SNTG2: variants seen among roughly 807,000 people sequenced by gnomAD.
SNTG2 encodes syntrophin gamma 2.
A neutral mutation model predicts 70.9 loss-of-function variants in SNTG2; 74 were observed. That is an observed-to-expected ratio of 1.04 (90% confidence interval 0.86 to 1.27). The LOEUF (loss-of-function observed/expected upper bound fraction) is 1.27. Among genes scored for constraint, SNTG2 ranks in the 50% most tolerant of loss-of-function variants. The probability of loss-of-function intolerance (pLI) is 0.00; values close to 1 mark genes in which losing one functional copy is unlikely to be tolerated. For synonymous variants in SNTG2, 278 were observed against 273.8 expected (o/e 1.02, Z -0.15); for missense variants, 717 against 690.7 (o/e 1.04, Z -0.43).
At chr2:1,149,927 A>T (rs529965860) in intron 6 of SNTG2, among the ~76,000 whole-genome samples, 1 of 152,032 alleles carries the variant, frequency 6.6e-6, no homozygotes, top group South Asian at 2.1e-4. Context: ...TGACCTTGTG[A>T]TCCACCCGCC....
intron 14 of SNTG2, among the ~76,000 whole-genome samples, chr2:1,295,795 G>T (rs1216149490): frequency 6.6e-6 from 1 of 151,892 alleles, no homozygotes; most frequent in Non-Finnish European, 1.5e-5. Context: ...GGAGGGTCAG[G>T]CAGATGTCAC....
intron 6 of SNTG2, among the ~76,000 whole-genome samples, chr2:1,161,828 A>G (rs1485054250): frequency 6.6e-6 from 1 of 152,120 alleles, no homozygotes; most frequent in Non-Finnish European, 1.5e-5. Context: ...TAATCCCAGC[A>G]GTTTGGGAGG....
At chr2:1,060,832 C>T (rs1232537392) in intron 1 of SNTG2, among the ~76,000 whole-genome samples, 3 of 152,186 alleles carry the variant, frequency 2.0e-5, no homozygotes, top group African/African-American at 7.2e-5. Flanking sequence ...GGATTTAAAA[C>T]CAGTGGGTGA....
rs190697174 is a variant in SNTG2 at position 1,289,569 on chromosome 2, C to T, written c.1285-18925C>T. Among the ~76,000 whole-genome samples the T allele has an allele frequency of 3.7e-3, 566 of 152,318 alleles. 1 individual carries two copies. The highest frequency in any genetic ancestry group is 0.012 in the Admixed American group (189 of 15,300). ...TTGCGTGAACTCGTGCCTATTTGCA[C>T]AGAAAATAGTCACGGGCCATACTCA... On this transcript the variant is annotated intron_variant, in intron 14 of 16. Coordinates refer to ENST00000308624, the MANE Select transcript of SNTG2 (RefSeq NM_018968.4).
chr2:1,119,553 T>G (rs1350066173), intron 4 of SNTG2, among the ~76,000 whole-genome samples: 2 of 70,916 alleles, frequency 2.8e-5, no homozygotes, highest in Non-Finnish European at 5.6e-5. Flanking sequence ...TAAAGGCTCG[T>G]TTTTTTTTTT....
chr2:1,076,784 A>C (rs1042101954), intron 1 of SNTG2, among the ~76,000 whole-genome samples: 3 of 152,316 alleles, frequency 2.0e-5, no homozygotes, highest in Middle Eastern at 3.4e-3. Flanking sequence ...TAGTAACAAA[A>C]ATCAGGACTT....
chr2:1,032,790 T>A (rs1482558757), intron 1 of SNTG2, among the ~76,000 whole-genome samples: 1 of 150,558 alleles, frequency 6.6e-6, no homozygotes. Flanking sequence ...GGTAGATACA[T>A]CAAGGGTGTA....
At chr2:1,042,259 A>G (rs1180834358) in intron 1 of SNTG2, among the ~76,000 whole-genome samples, 1 of 152,136 alleles carries the variant, frequency 6.6e-6, no homozygotes, top group Non-Finnish European at 1.5e-5. Flanking sequence ...CTTTGATTGG[A>G]ATTACATTGA....
rs1677825910 is a variant in SNTG2 at position 1,252,462 on chromosome 2, TATC to T, written c.1005+5022_1005+5024del. Among the ~76,000 whole-genome samples the T allele has an allele frequency of 2.6e-5, 4 of 152,326 alleles. No individual in the cohort carries two copies. The South Asian group carries it at 8.3e-4, about 32-fold the overall frequency. Reference sequence around the variant, plus strand: ...GGAAGGATGATTAGTACATTATAAATATCATACAATGGATCACTGGTGTGGAAG... The same window carrying T: ...GGAAGGATGATTAGTACATTATAAATATACAATGGATCACTGGTGTGGAAG... On this transcript the variant is annotated intron_variant, in intron 12 of 16. Coordinates refer to ENST00000308624, the MANE Select transcript of SNTG2 (RefSeq NM_018968.4).
chr2:981,153 A>G (rs558879596), intron 1 of SNTG2, among the ~76,000 whole-genome samples: 5 of 152,246 alleles, frequency 3.3e-5, no homozygotes, highest in East Asian at 1.9e-4. Flanking sequence ...TTTGCTTTTC[A>G]TGATCAAGGT....
At chr2:1,245,971 G>A (rs760136184) in intron 11 of SNTG2, among the ~76,000 whole-genome samples, 40 of 152,170 alleles carry the variant, frequency 2.6e-4, no homozygotes, top group Middle Eastern at 3.4e-3. Context: ...GGAGGGTCTC[G>A]GGGAAATAAA....
intron 4 of SNTG2, among the ~76,000 whole-genome samples, chr2:1,110,044 T>C (rs1420674467): frequency 3.3e-5 from 5 of 152,148 alleles, no homozygotes; most frequent in South Asian, 2.1e-4. Flanking sequence ...CTGTTACTCA[T>C]GAAGATGTTG....
chr2:1,333,059 A>T (rs73179454), intron 16 of SNTG2, among the ~76,000 whole-genome samples: 2,789 of 152,266 alleles, frequency 0.018, 71 homozygotes, highest in African/African-American at 0.061. Flanking sequence ...AACTGTAAGG[A>T]CTCATTCAGA....
At chr2:1,096,509 A>T (rs4971439) in intron 2 of SNTG2, among the ~76,000 whole-genome samples, 1 of 151,896 alleles carries the variant, frequency 6.6e-6, no homozygotes, top group South Asian at 2.1e-4. Context: ...CCCCTGGTAA[A>T]CACGGTTCTA....
chr2:1,197,636 C>G (rs1484765544), intron 8 of SNTG2, among the ~76,000 whole-genome samples: 2 of 151,550 alleles, frequency 1.3e-5, no homozygotes, highest in African/African-American at 4.8e-5. Flanking sequence ...TTCCTGGGCT[C>G]AGGTGATCCT....
chr2:1,273,615 A>G (rs1032520522), intron 14 of SNTG2, among the ~76,000 whole-genome samples: 3 of 148,706 alleles, frequency 2.0e-5, no homozygotes, highest in Non-Finnish European at 4.4e-5. Flanking sequence ...AAGAACTTTG[A>G]CTCATTATAT....
intron 9 of SNTG2, among the ~76,000 whole-genome samples, chr2:1,234,335 T>C (rs1676465489): frequency 6.6e-6 from 1 of 152,238 alleles, no homozygotes; most frequent in Non-Finnish European, 1.5e-5. Flanking sequence ...TTCATTAACA[T>C]GTTAGTATCT....
At position 1,091,012 on chromosome 2, in the gene SNTG2, GACCACCACCTGAT is replaced by G; in HGVS notation, c.211-7183_211-7171del. 2.0e-5 allele frequency among the ~76,000 whole-genome samples: 3 copies of G among 152,292 alleles called. No individual in the cohort carries two copies. The Middle Eastern group carries it at 0.01, about 518-fold the overall frequency. On this transcript the variant is annotated intron_variant, in intron 2 of 16. Transcript: ENST00000308624. ...TAGAGAGAAAGTGTAACAACCACCT[GACCACCACCTGAT>G]GGTCGCCTGACGTTCTGGGGCTGGG...
chr2:1,311,780 G>C lies in SNTG2; in HGVS notation c.1377+3194G>C, dbSNP rs139051068. On this transcript the variant is annotated intron_variant, in intron 15 of 16. Coordinates refer to ENST00000308624, the MANE Select transcript of SNTG2 (RefSeq NM_018968.4). ...TAGATTCTGTGCCTACAAATACTTA[G>C]ATTGGGAGTTACCATGCTTATATTC... Among the ~76,000 whole-genome samples the C allele has an allele frequency of 2.6e-4, 39 of 152,300 alleles. No homozygotes were observed. The East Asian group carries it at 6.8e-3, about 26-fold the overall frequency.
Sources: gnomAD v4.1 joint callset for allele counts (sites outside exome capture counted in the v4.1 genomes callset) on GRCh38, gnomAD v4.1.1 for gene constraint, MANE v1.5 for transcripts, NCBI Gene and HGNC (gene_info 2026-07-23, HGNC 2026-07-21) for gene names.